Variants in KIAA1217 observed in about 807,000 individuals in gnomAD.
The protein encoded by KIAA1217 is KIAA1217, also known as sickle tail protein homolog.
In KIAA1217, 88 loss-of-function variants were observed where a neutral mutation model predicts 163.9. The ratio of observed to expected loss-of-function variants is 0.54; its 90% CI spans 0.45 to 0.64. The LOEUF (loss-of-function observed/expected upper bound fraction) is 0.64. Ranked by LOEUF, KIAA1217 falls within the 30% of genes least tolerant of loss-of-function variation. KIAA1217 has a pLI of 0.00. For missense variants in KIAA1217, 2,372 were observed against 2,475.0 expected (o/e 0.96, Z 0.88); for synonymous variants, 903 against 923.1 (o/e 0.98, Z 0.39).
chr10:24,168,082 C>T (rs183647464), intron 2 of KIAA1217, among the ~76,000 whole-genome samples: 34 of 152,240 alleles, frequency 2.2e-4, no homozygotes, highest in African/African-American at 7.7e-4. Flanking sequence ...ATGGATAGAA[C>T]ATAAGGATTC....
chr10:23,700,841 A>G (rs1836397485), intron 1 of KIAA1217, among the ~76,000 whole-genome samples: 1 of 152,236 alleles, frequency 6.6e-6, no homozygotes, highest in Non-Finnish European at 1.5e-5. Context: ...TTTGGCTATA[A>G]GAAATTCCAT....
chr10:23,859,578 G>A (rs917433463), intron 1 of KIAA1217, among the ~76,000 whole-genome samples: 1 of 152,170 alleles, frequency 6.6e-6, no homozygotes, highest in Non-Finnish European at 1.5e-5. Flanking sequence ...TCAGACTATG[G>A]CTGTAGTGAC....
chr10:23,945,304 G>A (rs1437810161), intron 1 of KIAA1217, among the ~76,000 whole-genome samples: 1 of 152,054 alleles, frequency 6.6e-6, no homozygotes, highest in Non-Finnish European at 1.5e-5. Context: ...AATAAAAGAG[G>A]TAAATATTGA....
intron 2 of KIAA1217, among the ~76,000 whole-genome samples, chr10:24,066,220 G>T (rs1450544270): frequency 4.6e-5 from 7 of 152,178 alleles, no homozygotes; most frequent in African/African-American, 1.7e-4. Flanking sequence ...ATTAGTTGAT[G>T]CAGTTTCTTC....
chr10:24,030,988 G>A lies in KIAA1217; in HGVS notation c.-171+23614G>A, dbSNP rs546559150. Among the ~76,000 whole-genome samples, 140 of 152,256 alleles carry A rather than the reference G, an allele frequency of 9.2e-4. No individual in the cohort carries two copies. In the Middle Eastern group the frequency reaches 0.014, roughly 15 times the overall value. ...TTGTTAATAATACTATTATGAGCATGGCTGTACAAATATCTGTTCGAATCT... is the reference window on the plus strand; with the variant it reads ...TTGTTAATAATACTATTATGAGCATAGCTGTACAAATATCTGTTCGAATCT... On this transcript the variant is annotated intron_variant, in intron 2 of 18. Coordinates refer to the KIAA1217 transcript ENST00000376462.
intron 3 of KIAA1217, among the ~76,000 whole-genome samples, chr10:24,428,673 T>C (rs1197081284): frequency 6.6e-6 from 1 of 151,934 alleles, no homozygotes; most frequent in East Asian, 1.9e-4. Flanking sequence ...AACTACTATG[T>C]AACAGGTAGT....
At position 23,938,668 on chromosome 10, in the gene KIAA1217, GT is replaced by G. The variant is rs529101167; in HGVS notation, c.-320-68556del. On this transcript the variant is annotated intron_variant, in intron 1 of 18. Transcript: ENST00000376462. ...ATAAGTCATCTAGAGATGATTTAGA[GT>G]AAAAAAAAAAAGGATGTGCCTCGGT... Among the ~76,000 whole-genome samples, 35 of 142,952 alleles carry G rather than the reference GT, an allele frequency of 2.4e-4. No homozygotes were observed. In the South Asian group the frequency reaches 4.7e-3, roughly 19 times the overall value. 93.8% of individuals were successfully genotyped at this position (142,952 alleles called of 152,430 possible). A position where few individuals can be genotyped will look rare whatever the true frequency, so the allele number is the denominator to read the frequency against.
chr10:24,260,923 T>C (rs941250818), intron 2 of KIAA1217, among the ~76,000 whole-genome samples: 5 of 152,122 alleles, frequency 3.3e-5, no homozygotes, highest in African/African-American at 1.2e-4. Flanking sequence ...ACCTAGTTTA[T>C]AGGACTGTCA....
intron 15 of KIAA1217, among the ~76,000 whole-genome samples, chr10:24,532,719 C>A (rs1334042441): frequency 1.3e-5 from 2 of 152,090 alleles, no homozygotes; most frequent in African/African-American, 2.4e-5. Flanking sequence ...GAAAGACCTG[C>A]CCCCATGAGT....
intron 2 of KIAA1217, among the ~76,000 whole-genome samples, chr10:24,379,665 A>T (rs1255633644): frequency 6.6e-6 from 1 of 152,200 alleles, no homozygotes; most frequent in African/African-American, 2.4e-5. Flanking sequence ...CTGCTAGAGT[A>T]TCAGGCACAC....
rs141335867 is a variant in KIAA1217 at position 24,051,154 on chromosome 10, A to T, written c.-171+43780A>T. On this transcript the variant is annotated intron_variant, in intron 2 of 18. Transcript: ENST00000376462. ...CATCCTCATAGCTTAGCTCCTGCTT[A>T]TAAGTGAGAACATATGATGTTTGAT... is the stretch of plus-strand genomic sequence containing the variant. Among the ~76,000 whole-genome samples, 414 of 152,308 alleles carry T rather than the reference A, an allele frequency of 2.7e-3. 2 individuals are homozygous for T. The highest frequency in any genetic ancestry group is 8.8e-3 in the African/African-American group (366 of 41,584).
rs187677888 is a variant in KIAA1217, at chr10:24,366,931, A to G, written c.355-13938A>G. On this transcript the variant is annotated intron_variant, in intron 2 of 20. Coordinates refer to ENST00000376454, the MANE Select transcript of KIAA1217 (RefSeq NM_019590.5). ...AAACCCATTGCTAGTTAAGGCTTCA[A>G]CATGTCTTTCTAAAATATAAGGATG... 1.2e-3 allele frequency among the ~76,000 whole-genome samples: 185 copies of G among 152,340 alleles called. 1 individual carries two copies. The highest frequency in any genetic ancestry group is 3.4e-3 in the Middle Eastern group (1 of 294).
Position 24,092,928 on chromosome 10 carries a change from T to TTGTGTGTGTG in KIAA1217, c.-171+85571_-171+85580dup, listed in dbSNP as rs72267704. On this transcript the variant is annotated intron_variant, in intron 2 of 18. Coordinates refer to the KIAA1217 transcript ENST00000376462. ...TAGTGTGTGTGTGTGTGTGTGTGTG[T>TTGTGTGTGTG]TGTGTGTGTGTGTGTGTGTGTGTGT... is the stretch of plus-strand genomic sequence containing the variant. Among the ~76,000 whole-genome samples, 73 of 141,062 alleles carry TTGTGTGTGTG rather than the reference T, an allele frequency of 5.2e-4. 2 individuals are homozygous for TTGTGTGTGTG. Among genetic ancestry groups the TTGTGTGTGTG allele is most frequent in the African/African-American group, 2.0e-3 (73 of 36,516 alleles). The allele number at this position is 141,062 out of a possible 152,430, so 92.5% of individuals were successfully genotyped here.
intron 3 of KIAA1217, among the ~76,000 whole-genome samples, chr10:24,397,197 A>G (rs1471157587): frequency 1.4e-5 from 2 of 143,694 alleles, no homozygotes; most frequent in African/African-American, 5.2e-5. Flanking sequence ...CTGCAACCTC[A>G]TACCTCCTGG....
intron 1 of KIAA1217, among the ~76,000 whole-genome samples, chr10:23,937,301 T>C (rs1304609401): frequency 6.6e-6 from 1 of 152,166 alleles, no homozygotes; most frequent in African/African-American, 2.4e-5. Flanking sequence ...CAAAATCCCT[T>C]GGGTTGGAGA....
At chr10:24,199,318 G>C (rs1322749955) in intron 2 of KIAA1217, among the ~76,000 whole-genome samples, 1 of 152,200 alleles carries the variant, frequency 6.6e-6, no homozygotes, top group African/African-American at 2.4e-5. Flanking sequence ...ATATGCAACT[G>C]TTTTATCAAA....
At chr10:24,453,111 C>CA (rs2061509238) in intron 5 of KIAA1217, among the ~76,000 whole-genome samples, 1 of 152,096 alleles carries the variant, frequency 6.6e-6, no homozygotes, top group Non-Finnish European at 1.5e-5. Flanking sequence ...AAAGAAGTGA[C>CA]AAAAATAGGG....
At chr10:24,535,380 G>C (rs2073851999) in intron 16 of KIAA1217, among the ~76,000 whole-genome samples, 1 of 152,156 alleles carries the variant, frequency 6.6e-6, no homozygotes, top group Admixed American at 6.5e-5. Context: ...GTTTACTGAG[G>C]GAGGACATAC....
chr10:23,817,266 C>T (rs976288574), intron 1 of KIAA1217, among the ~76,000 whole-genome samples: 2 of 152,152 alleles, frequency 1.3e-5, no homozygotes, highest in African/African-American at 4.8e-5. Context: ...TAGGATAAGA[C>T]AGGATGATAT....
Sources: allele counts gnomAD v4.1 joint callset (sites outside exome capture counted in the v4.1 genomes callset), GRCh38; gene constraint gnomAD v4.1.1; transcripts MANE v1.5; gene names NCBI Gene and HGNC (gene_info 2026-07-23, HGNC 2026-07-21).